MYOF: variants seen among roughly 807,000 people sequenced by gnomAD.
The protein encoded by MYOF is fer-1-like 3, myoferlin.
In MYOF, 244 loss-of-function variants were observed where a neutral mutation model predicts 284.2. The ratio of observed to expected loss-of-function variants is 0.86; its 90% confidence interval spans 0.77 to 0.95. The LOEUF is 0.95. Among genes scored for constraint, MYOF ranks in the 40% least tolerant of loss-of-function variants. The pLI is 0.00. For synonymous variants in MYOF, 904 were observed against 919.7 expected (o/e 0.98, Z 0.31); for missense variants, 2,496 against 2,560.6 (o/e 0.97, Z 0.54).
chr10:93,418,489 C>T (rs788086), intron 5 of MYOF, among the ~76,000 whole-genome samples: 89,987 of 152,110 alleles, frequency 0.59, 32,453 homozygotes, highest in Non-Finnish European at 0.79. Flanking sequence ...AATATGTAGA[C>T]CAGAGCAAAG....
chr10:93,337,063 A>G (rs1454165258), intron 40 of MYOF, among the ~76,000 whole-genome samples: 1 of 151,594 alleles, frequency 6.6e-6, no homozygotes, highest in African/African-American at 2.4e-5. Context: ...TTCTGAATGA[A>G]TGGTCCTTTA....
intron 16 of MYOF, among the ~76,000 whole-genome samples, chr10:93,394,448 C>CTTTTTGTTTTTTTTTTTTTT (rs1846872730): frequency 3.5e-5 from 1 of 28,682 alleles, no homozygotes; most frequent in Non-Finnish European, 6.5e-5. Flanking sequence ...ACCATCTTGT[C>CTTTTTGTTTTTTTTTTTTTT]TTTTTTTTTT....
At chr10:93,458,750 C>A (rs528755035) in intron 1 of MYOF, among the ~76,000 whole-genome samples, 3 of 152,170 alleles carry the variant, frequency 2.0e-5, no homozygotes, top group Admixed American at 2.0e-4. Context: ...ACAAATAAGT[C>A]ACCCAGTTAA....
chr10:93,368,664 C>A (rs922779296), intron 25 of MYOF, among the ~76,000 whole-genome samples: 1 of 152,074 alleles, frequency 6.6e-6, no homozygotes, highest in Admixed American at 6.5e-5. Flanking sequence ...GTATTGGGAC[C>A]TGTTATGTGC....
chr10:93,478,860 G>GAAAGAAAT (rs1421937106), intron 1 of MYOF, among the ~76,000 whole-genome samples: 1 of 145,946 alleles, frequency 6.9e-6, no homozygotes. Context: ...AAGAAAGAAA[G>GAAAGAAAT]GGTTTGAACA....
intron 1 of MYOF, among the ~76,000 whole-genome samples, chr10:93,471,321 CT>C (rs138816092): frequency 6.7e-6 from 1 of 149,580 alleles, no homozygotes. Flanking sequence ...TTTTCTTTTT[CT>C]TTTTTTTTAA....
At chr10:93,333,345 T>C (rs377744496) in intron 42 of MYOF, 33 bp from the exon 43 acceptor site, 30 of 1,572,690 alleles carry the variant, frequency 1.9e-5, no homozygotes, top group Middle Eastern at 1.7e-4. Context: ...TGTTACATCA[T>C]TGTAGGGCGC....
At chr10:93,311,787 G>A (rs1842404532) in intron 51 of MYOF, among the ~76,000 whole-genome samples, 2 of 152,170 alleles carry the variant, frequency 1.3e-5, no homozygotes, top group South Asian at 4.1e-4. Flanking sequence ...TCTGACTTTG[G>A]CAAGTTGCTC....
At chr10:93,373,980 A>C (rs1845716767) in intron 23 of MYOF, among the ~76,000 whole-genome samples, 1 of 152,100 alleles carries the variant, frequency 6.6e-6, no homozygotes, top group African/African-American at 2.4e-5. Context: ...CATTTACGTT[A>C]GGTATTTCTC....
At chr10:93,361,190 G>T (rs547403607) in intron 28 of MYOF, among the ~76,000 whole-genome samples, 3 of 152,252 alleles carry the variant, frequency 2.0e-5, no homozygotes, top group South Asian at 2.1e-4. Flanking sequence ...AATAGGGTTC[G>T]CACTCTTAGG....
chr10:93,380,627 T>C (rs1055754314), intron 20 of MYOF, among the ~76,000 whole-genome samples: 1 of 152,210 alleles, frequency 6.6e-6, no homozygotes, highest in Non-Finnish European at 1.5e-5. Flanking sequence ...CATACTTTGC[T>C]TTCTATTATG....
chr10:93,380,250 G>T (rs992600275), intron 20 of MYOF, among the ~76,000 whole-genome samples: 1 of 152,200 alleles, frequency 6.6e-6, no homozygotes, highest in Non-Finnish European at 1.5e-5. Context: ...TCAGGGCCAT[G>T]CATCTGAACA....
At chr10:93,416,102 C>A (rs1480064727) in intron 5 of MYOF, among the ~76,000 whole-genome samples, 1 of 152,266 alleles carries the variant, frequency 6.6e-6, no homozygotes, top group East Asian at 1.9e-4. Flanking sequence ...TCTCTTCTTA[C>A]TCAAACTTTC....
rs549680774 is a variant in MYOF, at chr10:93,456,649, C to G, written c.144+233G>C. ...CGGTGCCTGGTAAGAACTCAACTCT[C>G]CTGCCAGTCCAGGCTTCCCTTGCCG... On this transcript the variant is annotated intron_variant, in intron 2 of 53. Coordinates refer to ENST00000359263, the MANE Select transcript of MYOF (RefSeq NM_013451.4). Among the ~76,000 whole-genome samples the G allele has an allele frequency of 2.6e-3, 397 of 152,308 alleles. 1 individual carries two copies. The highest frequency in any genetic ancestry group is 4.7e-3 in the Non-Finnish European group (317 of 68,028).
intron 21 of MYOF, among the ~76,000 whole-genome samples, chr10:93,378,693 GTATATATATATA>G (rs66859494): frequency 1.1e-4 from 10 of 87,894 alleles, no homozygotes; most frequent in East Asian, 8.1e-4. Context: ...GTGTGTGTGT[GTATATATATATA>G]TATATATATA....
rs748097920 is a variant in MYOF at position 93,351,438 on chromosome 10, G to A, written c.3797C>T (p.Thr1266Ile). 15 of 1,614,212 alleles carry A rather than the reference G, an allele frequency of 9.3e-6. No homozygotes were observed. The highest frequency in any genetic ancestry group is 1.3e-5 in the Non-Finnish European group (15 of 1,180,046). ...CTTGCCCCTCAGAATCAGCTCTGCA[G>A]TTACAAGAACATCCCCGCAGGCTTT... Reference protein sequence around the residue: ...GDKACGDVLVTAELILRGKDG... With the variant: ...GDKACGDVLVIAELILRGKDG... The change falls in exon 34 of 54, where the codon ACT becomes ATT. Residue 1266 changes from threonine (T) to isoleucine (I), a missense_variant. Thr to Ile is a moderately conservative substitution (Grantham distance 89, BLOSUM62 -1). Around this residue, in one of 3 missense-constraint regions of MYOF, gnomAD observed 2,436 missense variants for 2,480.7 expected, o/e 0.98. Transcript: ENST00000359263.
At chr10:93,451,109 G>A (rs2056576955) in intron 3 of MYOF, among the ~76,000 whole-genome samples, 1 of 152,160 alleles carries the variant, frequency 6.6e-6, no homozygotes, top group Non-Finnish European at 1.5e-5. Flanking sequence ...GGAGGCTGAA[G>A]CGGGTAGATC....
chr10:93,441,326 T>A (rs1264860996), intron 3 of MYOF, among the ~76,000 whole-genome samples: 2 of 152,168 alleles, frequency 1.3e-5, no homozygotes, highest in Non-Finnish European at 2.9e-5. Flanking sequence ...ACCAAATTAA[T>A]TTTATTCCAA....
At chr10:93,408,477 C>T (rs1847728734) in intron 7 of MYOF, among the ~76,000 whole-genome samples, 1 of 150,366 alleles carries the variant, frequency 6.7e-6, no homozygotes, top group Non-Finnish European at 1.5e-5. Flanking sequence ...GTGGAGGTTG[C>T]AGTGAGCCGA....
Sources: gnomAD v4.1 joint callset for allele counts (sites outside exome capture counted in the v4.1 genomes callset) on GRCh38, gnomAD v4.1.1 for gene constraint, gnomAD v4.1.1 regional missense constraint, MANE v1.5 for transcripts, NCBI Gene and HGNC (gene_info 2026-07-23, HGNC 2026-07-21) for gene names.